POP4: variants seen among roughly 807,000 people sequenced by gnomAD.
The protein encoded by POP4 is POP4 ribonuclease P/MRP subunit.
Under a neutral mutation model 29.9 loss-of-function variants are expected in POP4, and 31 were observed. The ratio of observed to expected loss-of-function variants is 1.04; its 90% CI spans 0.78 to 1.40. The LOEUF (loss-of-function observed/expected upper bound fraction) is 1.40. POP4 is among the 40% of genes most tolerant of loss of function. The pLI, the probability that POP4 is intolerant of heterozygous loss-of-function variation, is 0.00. For synonymous variants in POP4, 110 were observed against 108.2 expected (o/e 1.02, Z -0.10); for missense variants, 286 against 282.7 (o/e 1.01, Z -0.08).
chr19:29,610,375 G>A, intron 2 of POP4, 34 bp from the exon 3 acceptor site: 1 of 1,520,802 alleles, frequency 6.6e-7, no homozygotes, highest in Non-Finnish European at 8.8e-7. Context: ...CCAGACCGGA[G>A]CAGTGAGCGC....
In POP4 at chr19:29,610,569, A is replaced by G. The variant is rs1164637022; in HGVS notation, c.221A>G (p.Lys74Arg). ...CGCAAGGAGAAGAAGAAGAAAGCCA[A>G]AGGCCTCTCTGCCAGGCAAAGGAGG... The part of the protein sequence containing the change: ...HKRKEKKKKA[K>R]GLSARQRREL... Residue 74 changes from lysine to arginine, a missense_variant, in exon 3 of 7, where the codon AAA becomes AGA. Physicochemically the swap from Lys to Arg is conservative, Grantham distance 26. Transcript: ENST00000585603. The G allele has an allele frequency of 3.7e-6, 6 of 1,614,068 alleles. No individual in the cohort carries two copies. In the South Asian group the frequency reaches 5.5e-5, roughly 15 times the overall value.
Position 29,613,937 on chromosome 19 carries a change from T to A in POP4, c.491T>A (p.Ile164Asn). The A allele has an allele frequency of 6.2e-7, 1 of 1,613,802 alleles. No homozygotes were observed. The highest frequency in any genetic ancestry group is 8.5e-7 in the Non-Finnish European group (1 of 1,179,924). The change falls in exon 6 of 7, where the codon ATT becomes AAT. Residue 164 changes from isoleucine to asparagine, a missense_variant. Coordinates refer to ENST00000585603, the MANE Select transcript of POP4 (RefSeq NM_006627.3). ...ATCCTTCTACAGGAAACAAAGCACA[T>A]TTTCAAAATTATCACCAAAGAAGAC... ...TGILLQETKH[I>N]FKIITKEDRL...
Position 29,611,940 on chromosome 19 carries a change from G to T in POP4, c.362+1G>T, listed in dbSNP as rs149115361. ...TGTGCAGTGGGCTCAAGCCAGACAC[G>T]TAAGTTGCATTCCTGAAGCTTTGCT... On this transcript the variant is annotated splice_donor_variant, in intron 4 of 6. Transcript: ENST00000585603. LOFTEE classifies it high-confidence loss of function. 11 of 1,613,490 alleles carry T rather than the reference G, an allele frequency of 6.8e-6. No homozygotes were observed. Among genetic ancestry groups the T allele is most frequent in the Admixed American group, 3.3e-5 (2 of 60,020 alleles).
chr19:29,613,735 AC>A, intron 5 of POP4, 135 bp from the exon 6 acceptor site: 25 of 1,369,694 alleles, frequency 1.8e-5, no homozygotes, highest in Non-Finnish European at 2.4e-5. Flanking sequence ...TTGAGCCCCC[AC>A]CCCCTGGGTG....
At position 29,613,964 on chromosome 19, in the gene POP4, G is replaced by A. The variant is rs61731483; in HGVS notation, c.518G>A (p.Arg173His). 4.0e-5 allele frequency: 64 copies of A among 1,613,164 alleles called. No homozygotes were observed. The highest frequency in any genetic ancestry group is 3.0e-4 in the Admixed American group (18 of 59,814). The change falls in exon 6 of 7, where the codon CGC becomes CAC. Residue 173 changes from arginine (R) to histidine (H), a missense_variant. Physicochemically the swap from Arg to His is conservative, Grantham distance 29. Transcript: ENST00000585603. ...HIFKIITKEDRLKVIPKLNCV... is the reference protein window; with the variant it reads ...HIFKIITKEDHLKVIPKLNCV... Reference sequence around the variant, plus strand: ...TTCAAAATTATCACCAAAGAAGACCGCCTGAAAGGTATGTAGGTGTTTCTG... The same window carrying A: ...TTCAAAATTATCACCAAAGAAGACCACCTGAAAGGTATGTAGGTGTTTCTG...
At position 29,617,140 on chromosome 19, in the gene POP4, T is replaced by C. The variant is rs1000928579; in HGVS notation, c.*1760T>C. Reference sequence around the variant, plus strand: ...TGAAAATGCTGTGTTCATAACCAAATAGGTGCTGTAGCTTCCTAGCCATCC... The same window carrying C: ...TGAAAATGCTGTGTTCATAACCAAACAGGTGCTGTAGCTTCCTAGCCATCC... On this transcript the variant is annotated 3_prime_UTR_variant, in exon 7 of 7. Coordinates refer to ENST00000585603, the MANE Select transcript of POP4 (RefSeq NM_006627.3). 2.0e-5 allele frequency: 3 copies of C among 152,192 alleles called. No homozygotes were observed. The highest frequency in any genetic ancestry group is 7.2e-5 in the African/African-American group (3 of 41,426). The allele number at this position is 152,192 out of a possible 1,614,324, so 9.4% of individuals were successfully genotyped here. A position where few individuals can be genotyped will look rare whatever the true frequency, so the allele number is the denominator to read the frequency against.
At chr19:29,611,698 T>TCGG in intron 3 of POP4, 164 bp from the exon 4 acceptor site, 4 of 623,454 alleles carry the variant, frequency 6.4e-6, no homozygotes, top group East Asian at 2.8e-5. Flanking sequence ...GTGTAGGTTC[T>TCGG]TGGTCTCGGT....
intron 1 of POP4, 97 bp from the exon 2 acceptor site, chr19:29,608,560 G>A (rs1395304892): frequency 8.1e-7 from 1 of 1,241,406 alleles, no homozygotes; most frequent in East Asian, 2.4e-5. Context: ...ATGAGCCACT[G>A]CGCCTAGTGG....
Position 29,615,287 on chromosome 19 carries a change from C to G in POP4, c.570C>G (p.Gly190=), listed in dbSNP as rs1359308502. 1 of 1,594,428 alleles carries G rather than the reference C, an allele frequency of 6.3e-7. No individual in the cohort carries two copies. The highest frequency in any genetic ancestry group is 1.1e-5 in the South Asian group (1 of 90,428). ...GCGTGTTCACTGTGGAAACCGATGG[C>G]TTTATTTCCTACATTTACGGGAGCA... The part of the protein sequence containing the change: ...LNCVFTVETD[G]FISYIYGSKF... Residue 190 remains glycine (G), a synonymous_variant, in exon 7 of 7, where the codon GGC becomes GGG. Transcript: ENST00000585603.
intron 1 of POP4, among the ~76,000 whole-genome samples, chr19:29,606,770 T>G (rs1334061784): frequency 6.6e-6 from 1 of 152,130 alleles, no homozygotes; most frequent in Admixed American, 6.5e-5. Flanking sequence ...AGGAGGGGCG[T>G]GTAGACACCG....
In POP4 at chr19:29,615,486, C is replaced by G. The variant is rs1971119895; in HGVS notation, c.*106C>G. 8.0e-7 allele frequency: 1 copy of G among 1,254,450 alleles called. No individual in the cohort carries two copies. Among genetic ancestry groups the G allele is most frequent in the African/African-American group, 1.5e-5 (1 of 67,150 alleles). 77.7% of individuals were successfully genotyped at this position (1,254,450 alleles called of 1,614,324 possible). ...AGTTAAGCCAATTCCATTTATAGAC[C>G]ACCTCCAGCCAGTGACGCTCCGAGT... On this transcript the variant is annotated 3_prime_UTR_variant, in exon 7 of 7. Transcript: ENST00000585603.
In POP4 at chr19:29,608,655, A is replaced by G; in HGVS notation, c.8-2A>G. ...GATCATTTCTTTTTTTTAATCCCCCAGGTGTGATCTACCATGCATTGTCTC... is the reference window on the plus strand; with the variant it reads ...GATCATTTCTTTTTTTTAATCCCCCGGGTGTGATCTACCATGCATTGTCTC... On this transcript the variant is annotated splice_acceptor_variant, in intron 1 of 6. Coordinates refer to ENST00000585603, the MANE Select transcript of POP4 (RefSeq NM_006627.3). LOFTEE classifies it high-confidence loss of function. The G allele has an allele frequency of 6.2e-7, 1 of 1,613,278 alleles. No homozygotes were observed. Among genetic ancestry groups the G allele is most frequent in the Non-Finnish European group, 8.5e-7 (1 of 1,179,422 alleles).
chr19:29,612,139 A>G lies in POP4; in HGVS notation c.385A>G (p.Lys129Glu), dbSNP rs908974563. Residue 129 changes from lysine (K) to glutamate (E), a missense_variant, in exon 5 of 7, where the codon AAG (lysine) becomes GAG (glutamate). Transcript: ENST00000585603. ...PDTQPQMIQA[K>E]LLKADLHGAI... ...CAGGCAGCCACAGATGATTCAGGCC[A>G]AGCTCTTAAAGGCAGATCTTCACGG... 2 of 1,610,986 alleles carry G rather than the reference A, an allele frequency of 1.2e-6. No individual in the cohort carries two copies. The highest frequency in any genetic ancestry group is 1.7e-6 in the Non-Finnish European group (2 of 1,179,206).
chr19:29,610,380 G>T, intron 2 of POP4, 29 bp from the exon 3 acceptor site: 1 of 1,527,674 alleles, frequency 6.5e-7, no homozygotes. Flanking sequence ...CCGGAGCAGT[G>T]AGCGCCGCAC....
In POP4 at chr19:29,613,871, T is replaced by C. The variant is rs190122547; in HGVS notation, c.425T>C (p.Val142Ala). ...KADLHGAIIS[V>A]TKSKCPSYVG... ...CTGGAACTGTCCTTTTTCTTTGCAGTGACAAAATCCAAATGCCCCTCTTAT... is the reference window on the plus strand; with the variant it reads ...CTGGAACTGTCCTTTTTCTTTGCAGCGACAAAATCCAAATGCCCCTCTTAT... The change falls in exon 6 of 7, where the codon GTG becomes GCG. Residue 142 changes from valine (V) to alanine (A), a missense_variant and splice_region_variant. Val to Ala is a moderately conservative substitution (Grantham distance 64). Coordinates refer to ENST00000585603, the MANE Select transcript of POP4 (RefSeq NM_006627.3). The C allele has an allele frequency of 3.7e-6, 6 of 1,611,814 alleles. No individual in the cohort carries two copies. The East Asian group carries it at 8.9e-5, about 24-fold the overall frequency.
At chr19:29,611,706 G>C in intron 3 of POP4, 156 bp from the exon 4 acceptor site, 5 of 643,288 alleles carry the variant, frequency 7.8e-6, no homozygotes, top group South Asian at 3.8e-5. Flanking sequence ...TCTTGGTCTC[G>C]GTTATCAGCT....
rs568466759 is a variant in POP4 at position 29,612,090 on chromosome 19, A to G, written c.363-27A>G. ...TTTTGGAACTTTTTATCATGATGTA[A>G]ACCAAGGGCTTCTGTTTACCCTGCA... On this transcript the variant is annotated intron_variant, in intron 4 of 6. Coordinates refer to ENST00000585603, the MANE Select transcript of POP4 (RefSeq NM_006627.3). 1.4e-5 allele frequency: 22 copies of G among 1,600,012 alleles called. 1 individual carries two copies. The African/African-American group carries it at 2.6e-4, about 19-fold the overall frequency.
intron 5 of POP4, among the ~76,000 whole-genome samples, chr19:29,613,621 C>T (rs1971097044): frequency 6.6e-6 from 1 of 152,228 alleles, no homozygotes; most frequent in African/African-American, 2.4e-5. Context: ...CCCAAGACCC[C>T]TGTGGCCACA....
At chr19:29,606,526 T>C in intron 1 of POP4, 1 of 542,262 alleles carries the variant, frequency 1.8e-6, no homozygotes, top group Non-Finnish European at 3.1e-6. Flanking sequence ...GGGAGGGATG[T>C]CAGGGCTGGA....
Sources: gnomAD v4.1 joint callset for allele counts (sites outside exome capture counted in the v4.1 genomes callset) on GRCh38, gnomAD v4.1.1 for gene constraint, MANE v1.5 for transcripts, NCBI Gene and HGNC (gene_info 2026-07-23, HGNC 2026-07-21) for gene names.